KCNK10: variants seen among roughly 807,000 people sequenced by gnomAD.
KCNK10 encodes potassium channel subfamily K member 10.
Under a neutral mutation model 47.7 loss-of-function variants are expected in KCNK10, and 25 were observed. The observed-to-expected ratio is 0.52, with a 90% CI of 0.38 to 0.73. The LOEUF is 0.73. Ranked by LOEUF, KCNK10 falls within the 30% of genes least tolerant of loss-of-function variation. The probability of loss-of-function intolerance (pLI) is 0.00; values close to 1 mark genes in which losing one functional copy is unlikely to be tolerated. For missense variants in KCNK10, 563 were observed against 714.5 expected, an observed-to-expected ratio of 0.79 and a Z score of 2.42; for synonymous variants, 303 against 285.6, an observed-to-expected ratio of 1.06 and a Z score of -0.61.
chr14:88,296,076 G>T (rs1269958114), intron 1 of KCNK10, among the ~76,000 whole-genome samples: 1 of 152,208 alleles, frequency 6.6e-6, no homozygotes, highest in African/African-American at 2.4e-5. Flanking sequence ...GGTATTGGTA[G>T]AATCTTGCTC....
At position 88,322,716 on chromosome 14, in the gene KCNK10, G is replaced by A. The variant is rs1360931812; in HGVS notation, c.52+31C>T. On this transcript the variant is annotated intron_variant, in intron 1 of 6. Coordinates refer to ENST00000319231, the MANE Select transcript of KCNK10 (RefSeq NM_138317.3). This position sits in a 1 kb window ranked among gnomAD's most constrained non-coding sequence, Gnocchi z 4.8. Reference sequence around the variant, plus strand: ...CGCACACGCCGGAGACAGAGGCAGGGCGAGGGCAGCCAAAAGTAGGAAACA... The same window carrying A: ...CGCACACGCCGGAGACAGAGGCAGGACGAGGGCAGCCAAAAGTAGGAAACA... 9.3e-6 allele frequency: 15 copies of A among 1,613,886 alleles called. No homozygotes were observed. The highest frequency in any genetic ancestry group is 1.3e-5 in the Non-Finnish European group (15 of 1,179,826).
chr14:88,192,374 A>G lies in KCNK10; in HGVS notation c.718T>C (p.Ser240Pro). 1 of 1,614,006 alleles carries G rather than the reference A, an allele frequency of 6.2e-7. No homozygotes were observed. The highest frequency in any genetic ancestry group is 8.5e-7 in the Non-Finnish European group (1 of 1,179,968). ...QVSQTKIRVI[S>P]TILFILAGCI... ...CCGGCCAAGATGAACAGGATGGTTG[A>G]GATGACCCGGATCTTGGTCTGACTC... is the stretch of plus-strand genomic sequence containing the variant. The change falls in exon 5 of 7, where the codon TCA becomes CCA. Residue 240 changes from serine (S) to proline (P), a missense_variant. Physicochemically the swap from Ser to Pro is moderately conservative, Grantham distance 74. Transcript: ENST00000319231.
At chr14:88,217,386 C>T (rs116489604) in intron 4 of KCNK10, among the ~76,000 whole-genome samples, 1,638 of 152,252 alleles carry the variant, frequency 0.011, 28 homozygotes, top group African/African-American at 0.037. Context: ...TGCCCTCCTC[C>T]CCTGCCTCTT....
At chr14:88,196,657 A>C (rs1884921536) in intron 4 of KCNK10, among the ~76,000 whole-genome samples, 1 of 152,220 alleles carries the variant, frequency 6.6e-6, no homozygotes, top group Non-Finnish European at 1.5e-5. Context: ...TTTACTCAAG[A>C]ATAAAGACAC....
At chr14:88,223,220 C>T (rs1441483454) in intron 4 of KCNK10, among the ~76,000 whole-genome samples, 3 of 152,108 alleles carry the variant, frequency 2.0e-5, no homozygotes, top group African/African-American at 2.4e-5. Flanking sequence ...CAACCTTGGA[C>T]TGGCATCACC....
At chr14:88,258,440 G>C (rs28628854) in intron 2 of KCNK10, among the ~76,000 whole-genome samples, 2,324 of 152,144 alleles carry the variant, frequency 0.015, 55 homozygotes, top group African/African-American at 0.053. Flanking sequence ...ACAGGCACCT[G>C]CCACCACGCC....
At chr14:88,234,361 C>A (rs1373275805) in intron 3 of KCNK10, among the ~76,000 whole-genome samples, 1 of 152,190 alleles carries the variant, frequency 6.6e-6, no homozygotes, top group Non-Finnish European at 1.5e-5. Flanking sequence ...AAGAGTGTTT[C>A]TAAATAACAA....
chr14:88,202,499 C>T (rs1208643368), intron 4 of KCNK10, among the ~76,000 whole-genome samples: 1 of 152,198 alleles, frequency 6.6e-6, no homozygotes, highest in Non-Finnish European at 1.5e-5. Flanking sequence ...ATAATTCAGA[C>T]TTTGAACCAC....
chr14:88,326,540 T>C (rs3742689), upstream of KCNK10: 445,765 of 1,063,928 alleles, frequency 0.42, 96,023 homozygotes, highest in Middle Eastern at 0.51. Flanking sequence ...GGGTTAAGTC[T>C]GGTGGAAAGA....
intron 1 of KCNK10, among the ~76,000 whole-genome samples, chr14:88,306,139 G>A (rs536690706): frequency 6.6e-6 from 1 of 152,326 alleles, no homozygotes; most frequent in South Asian, 2.1e-4. Context: ...ACATCAGACT[G>A]GGCTGCTGCT....
rs1328791710 is a variant in KCNK10 at position 88,184,783 on chromosome 14, TCA to T, written c.*750_*751del. The stretch of plus-strand genomic sequence containing the variant: ...CCACGCAGCAGTTGATGTCATGTTT[TCA>T]CCACTGCTCGCCAGTTCATGTGGAC... On this transcript the variant is annotated 3_prime_UTR_variant, in exon 7 of 7. Coordinates refer to ENST00000319231, the MANE Select transcript of KCNK10 (RefSeq NM_138317.3). 1 of 152,388 alleles carries T rather than the reference TCA, an allele frequency of 6.6e-6. No homozygotes were observed. Among genetic ancestry groups the T allele is most frequent in the Non-Finnish European group, 1.5e-5 (1 of 68,056 alleles). The allele number at this position is 152,388 out of a possible 1,614,324, so 9.4% of individuals were successfully genotyped here. A position where few individuals can be genotyped will look rare whatever the true frequency, so the allele number is the denominator to read the frequency against.
chr14:88,302,147 C>G (rs143450430), intron 1 of KCNK10, among the ~76,000 whole-genome samples: 1 of 152,016 alleles, frequency 6.6e-6, no homozygotes, highest in Non-Finnish European at 1.5e-5. Context: ...GCAACATGCC[C>G]GTACTTTAAG....
chr14:88,285,474 A>G (rs1887740785), intron 1 of KCNK10, among the ~76,000 whole-genome samples: 1 of 152,176 alleles, frequency 6.6e-6, no homozygotes, highest in Non-Finnish European at 1.5e-5. Flanking sequence ...TCCAGAGACT[A>G]GTTAATTGAA....
chr14:88,279,364 CGTGTGTGT>C (rs58319931), intron 1 of KCNK10, among the ~76,000 whole-genome samples: 4,087 of 137,594 alleles, frequency 0.03, 63 homozygotes, highest in South Asian at 0.077. Context: ...TTGCCAGATA[CGTGTGTGT>C]GTGTGTGTGT....
intron 4 of KCNK10, among the ~76,000 whole-genome samples, chr14:88,199,937 C>T (rs1387016114): frequency 2.6e-5 from 4 of 152,160 alleles, no homozygotes; most frequent in Non-Finnish European, 2.9e-5. Context: ...CAGTAAACAA[C>T]GCCCTTCCCA....
chr14:88,235,969 C>G (rs952317659), intron 3 of KCNK10, among the ~76,000 whole-genome samples: 1 of 152,156 alleles, frequency 6.6e-6, no homozygotes, highest in African/African-American at 2.4e-5. Context: ...TTTCCCCCAA[C>G]AGCTGCATAA....
At chr14:88,314,300 G>A (rs1157692860) in intron 1 of KCNK10, among the ~76,000 whole-genome samples, 4 of 152,098 alleles carry the variant, frequency 2.6e-5, no homozygotes, top group Non-Finnish European at 2.9e-5. Flanking sequence ...TTTTTCTACC[G>A]TGTAAGGACA....
intron 4 of KCNK10, among the ~76,000 whole-genome samples, chr14:88,194,854 T>C (rs942949992): frequency 1.3e-5 from 2 of 152,168 alleles, no homozygotes; most frequent in African/African-American, 4.8e-5. Context: ...CATTTAATTA[T>C]CAGGGTATTT....
intron 1 of KCNK10, among the ~76,000 whole-genome samples, chr14:88,304,477 T>C (rs1888167219): frequency 6.6e-6 from 1 of 152,240 alleles, no homozygotes; most frequent in Non-Finnish European, 1.5e-5. Context: ...TCAATATTCA[T>C]GGTGTTCTGC....
Sources: allele counts gnomAD v4.1 joint callset (sites outside exome capture counted in the v4.1 genomes callset), GRCh38; gene constraint gnomAD v4.1.1; non-coding constraint Gnocchi (gnomAD v3.1); transcripts MANE v1.5; gene names NCBI Gene and HGNC (gene_info 2026-07-23, HGNC 2026-07-21).